Variants in ALPL observed in about 807,000 individuals in gnomAD.
ALPL encodes alkaline phosphatase, tissue-nonspecific isozyme.
In ALPL, 42 loss-of-function variants were observed where a neutral mutation model predicts 51.3. The observed-to-expected ratio is 0.82, with a 90% CI of 0.64 to 1.06. ALPL has a LOEUF of 1.06. Among genes scored for constraint, ALPL ranks in the 50% least tolerant of loss-of-function variants. ALPL has a pLI of 0.00. For missense variants in ALPL, 589 were observed against 709.4 expected (o/e 0.83, Z 1.93); for synonymous variants, 279 against 296.4 (o/e 0.94, Z 0.60).
At position 21,554,264 on chromosome 1, in the gene ALPL, C is replaced by G. The variant is rs1644369010; in HGVS notation, c.61+122C>G. ...GTATTTAAGAGCTGAAAACAGTGTTCAGAGCAGGAAACCTCAGCCCTGCTA... is the reference window on the plus strand; with the variant it reads ...GTATTTAAGAGCTGAAAACAGTGTTGAGAGCAGGAAACCTCAGCCCTGCTA... On this transcript the variant is annotated intron_variant, in intron 2 of 11. Transcript: ENST00000374840. 8 of 1,047,594 alleles carry G rather than the reference C, an allele frequency of 7.6e-6. No individual in the cohort carries two copies. In the South Asian group the frequency reaches 7.8e-5, roughly 10 times the overall value. The allele number at this position is 1,047,594 out of a possible 1,614,324, so 64.9% of individuals were successfully genotyped here.
At chr1:21,563,035 G>A (rs1438175045) in intron 4 of ALPL, 75 bp from the exon 5 acceptor site, 3 of 1,578,706 alleles carry the variant, frequency 1.9e-6, no homozygotes, top group Admixed American at 1.7e-5. Context: ...AGTCCCCATG[G>A]TGTGAGTGTA....
In ALPL at chr1:21,554,803, GTCTGTCTGTCTGTCTTTCTTTCTT is replaced by G. The variant is rs1311586800; in HGVS notation, c.61+665_61+688del. 5.0e-3 allele frequency among the ~76,000 whole-genome samples: 213 copies of G among 42,782 alleles called. 3 individuals are homozygous for G. The highest frequency in any genetic ancestry group is 6.2e-3 in the Non-Finnish European group (137 of 22,086). 28.1% of individuals were successfully genotyped at this position (42,782 alleles called of 152,430 possible). ...CCGCGCCTGGCCTGTCTGTCTGTCT[GTCTGTCTGTCTGTCTTTCTTTCTT>G]TCTTTCTTTCTTTCTTTCTTTCTTT... is the stretch of plus-strand genomic sequence containing the variant. On this transcript the variant is annotated intron_variant, in intron 2 of 11. Coordinates refer to ENST00000374840, the MANE Select transcript of ALPL (RefSeq NM_000478.6).
At chr1:21,573,309 T>A (rs1191931402) in intron 8 of ALPL, among the ~76,000 whole-genome samples, 5 of 151,828 alleles carry the variant, frequency 3.3e-5, no homozygotes, top group Admixed American at 1.3e-4. Context: ...TGGTGATGCA[T>A]GTCTGTAATC....
chr1:21,568,397 C>A, intron 7 of ALPL, 150 bp downstream of exon 7: 2 of 1,048,690 alleles, frequency 1.9e-6, no homozygotes, highest in Non-Finnish European at 2.8e-6. Context: ...GATATACAAG[C>A]AGTAGATAGT....
chr1:21,563,947 G>A, intron 5 of ALPL, 94 bp from the exon 6 acceptor site: 9 of 1,495,050 alleles, frequency 6.0e-6, no homozygotes, highest in Non-Finnish European at 8.2e-6. Flanking sequence ...TGAAGCGGGG[G>A]CCTGTCTTTA....
chr1:21,536,900 T>C (rs1644114582), intron 1 of ALPL, among the ~76,000 whole-genome samples: 1 of 141,994 alleles, frequency 7.0e-6, no homozygotes, highest in Admixed American at 7.0e-5. Flanking sequence ...CCTTTTTTTT[T>C]TTTTTTTTTT....
At chr1:21,534,405 T>C (rs111909724) in intron 1 of ALPL, among the ~76,000 whole-genome samples, 1 of 152,158 alleles carries the variant, frequency 6.6e-6, no homozygotes, top group East Asian at 1.9e-4. Flanking sequence ...GTTGGACAAT[T>C]TGGGGCTCAT....
chr1:21,513,645 T>G (rs1053964955), intron 1 of ALPL, among the ~76,000 whole-genome samples: 12 of 152,340 alleles, frequency 7.9e-5, no homozygotes, highest in African/African-American at 2.9e-4. Flanking sequence ...TGCTGGGTTA[T>G]GGGAGATCCA....
At position 21,576,607 on chromosome 1, in the gene ALPL, C is replaced by T. The variant is rs748883680; in HGVS notation, c.1275C>T (p.Gly425=). 78 of 1,613,746 alleles carry T rather than the reference C, an allele frequency of 4.8e-5. No homozygotes were observed. The highest frequency in any genetic ancestry group is 5.8e-5 in the Non-Finnish European group (68 of 1,179,896). ...ATGGGCCTGGCTACAAGGTGGTGGGCGGTGAACGAGAGAATGTCTCCATGG... is the reference window on the plus strand; with the variant it reads ...ATGGGCCTGGCTACAAGGTGGTGGGTGGTGAACGAGAGAATGTCTCCATGG... ...YGNGPGYKVV[G]GERENVSMVD... Residue 425 remains glycine (G), a synonymous_variant, in exon 11 of 12, where the codon GGC becomes GGT. Coordinates refer to ENST00000374840, the MANE Select transcript of ALPL (RefSeq NM_000478.6).
intron 1 of ALPL, among the ~76,000 whole-genome samples, chr1:21,519,451 G>A (rs1019231565): frequency 3.9e-5 from 6 of 152,330 alleles, no homozygotes; most frequent in African/African-American, 1.4e-4. Flanking sequence ...AGCCTTCCAC[G>A]TTTACACATG....
chr1:21,513,505 T>C (rs1643732629), intron 1 of ALPL, among the ~76,000 whole-genome samples: 1 of 152,184 alleles, frequency 6.6e-6, no homozygotes, highest in Admixed American at 6.5e-5. Context: ...ACTTCCCCTG[T>C]CTGAGTCTCA....
rs983979328 is a variant in ALPL at position 21,574,060 on chromosome 1, T to G, written c.997+261T>G. The G allele has an allele frequency of 3.0e-6, 3 of 985,312 alleles. No homozygotes were observed. In the African/African-American group the frequency reaches 5.2e-5, roughly 17 times the overall value. 61.0% of individuals were successfully genotyped at this position (985,312 alleles called of 1,614,324 possible). ...GGGAGAGGAGGCAGATTTCTCCCCT[T>G]TGGTAGTCTTTCTTGGGGACCTGGC... is the stretch of plus-strand genomic sequence containing the variant. On this transcript the variant is annotated intron_variant, in intron 9 of 11. Coordinates refer to ENST00000374840, the MANE Select transcript of ALPL (RefSeq NM_000478.6).
chr1:21,558,505 A>G (rs1007844361), intron 2 of ALPL, among the ~76,000 whole-genome samples: 2 of 152,310 alleles, frequency 1.3e-5, no homozygotes, highest in African/African-American at 2.4e-5. Context: ...CCCAGACTTT[A>G]TCTCATGTCA....
intron 1 of ALPL, among the ~76,000 whole-genome samples, chr1:21,528,044 A>G (rs1239093998): frequency 6.8e-6 from 1 of 147,414 alleles, no homozygotes; most frequent in Non-Finnish European, 1.5e-5. Flanking sequence ...TTTTTTTGAG[A>G]CAGTCTTGCT....
intron 1 of ALPL, among the ~76,000 whole-genome samples, chr1:21,532,383 G>A (rs1057103301): frequency 2.0e-5 from 3 of 151,968 alleles, no homozygotes; most frequent in African/African-American, 7.3e-5. Flanking sequence ...TAGAGATGGG[G>A]TTTCACCATG....
In ALPL at chr1:21,570,335, C is replaced by G. The variant is rs749684443; in HGVS notation, c.823C>G (p.Leu275Val). 1 of 1,614,184 alleles carries G rather than the reference C, an allele frequency of 6.2e-7. No homozygotes were observed. Among genetic ancestry groups the G allele is most frequent in the Non-Finnish European group, 8.5e-7 (1 of 1,180,034 alleles). Residue 275 changes from leucine (L) to valine (V), a missense_variant, in exon 8 of 12, where the codon CTC (leucine) becomes GTC (valine). Leu to Val is a conservative substitution (Grantham distance 32). Coordinates refer to ENST00000374840, the MANE Select transcript of ALPL (RefSeq NM_000478.6). ...CCACTTCATCTGGAACCGCACGGAA[C>G]TCCTGACCCTTGACCCCCACAATGT... Reference protein sequence around the residue: ...HSHFIWNRTELLTLDPHNVDY... With the variant: ...HSHFIWNRTEVLTLDPHNVDY...
chr1:21,577,987 C>T lies in ALPL; in HGVS notation c.*339C>T. The T allele has an allele frequency of 2.4e-6, 1 of 414,978 alleles. No individual in the cohort carries two copies. The highest frequency in any genetic ancestry group is 4.4e-6 in the Non-Finnish European group (1 of 226,586). The allele number at this position is 414,978 out of a possible 1,614,324, so 25.7% of individuals were successfully genotyped here. On this transcript the variant is annotated 3_prime_UTR_variant, in exon 12 of 12. Coordinates refer to ENST00000374840, the MANE Select transcript of ALPL (RefSeq NM_000478.6). ...TTCTCCAGACCCAGAGGCCCTGAAG[C>T]CTCCGTGGAACATTCTGGATCTGAC...
chr1:21,566,710 C>A (rs539797192), intron 6 of ALPL, among the ~76,000 whole-genome samples: 37 of 152,258 alleles, frequency 2.4e-4, no homozygotes, highest in Admixed American at 8.5e-4. Flanking sequence ...CTGGCTCAGT[C>A]CCTTGAATAG....
In ALPL at chr1:21,535,485, G is replaced by A. The variant is rs56067786; in HGVS notation, c.-104-18493G>A. On this transcript the variant is annotated intron_variant, in intron 1 of 11. Transcript: ENST00000374840. The stretch of plus-strand genomic sequence containing the variant: ...TCACCAGCCGAACGTGGTGCTGTGC[G>A]CCGGTGGTCCCAGCTACTTGGTCTC... Among the ~76,000 whole-genome samples, 421 of 152,248 alleles carry A rather than the reference G, an allele frequency of 2.8e-3. 4 individuals carry two copies. Among genetic ancestry groups the A allele is most frequent in the Middle Eastern group, 0.014 (4 of 294 alleles).
Sources: gnomAD v4.1 joint callset for allele counts (sites outside exome capture counted in the v4.1 genomes callset) on GRCh38, gnomAD v4.1.1 for gene constraint, MANE v1.5 for transcripts, NCBI Gene and HGNC (gene_info 2026-07-23, HGNC 2026-07-21) for gene names.